The following KALRN variants were observed in gnomAD, a reference collection of about 807,000 sequenced individuals.
The protein encoded by KALRN is kalirin RhoGEF kinase.
In KALRN, 70 loss-of-function variants were observed where a neutral mutation model predicts 353.7. The ratio of observed to expected loss-of-function variants is 0.20; its 90% CI spans 0.16 to 0.24. KALRN has a LOEUF of 0.24. Ranked by LOEUF, KALRN falls within the 10% of genes least tolerant of loss-of-function variation. The pLI is 1.00. For synonymous variants in KALRN, 1,391 were observed against 1,434.8 expected (o/e 0.97, Z 0.69); for missense variants, 2,791 against 3,756.7 (o/e 0.74, Z 6.72).
intron 32 of KALRN, among the ~76,000 whole-genome samples, chr3:124,496,010 T>TACAC (rs2063786150): frequency 1.6e-5 from 1 of 61,816 alleles, no homozygotes; most frequent in Non-Finnish European, 2.7e-5. Context: ...TATATATATA[T>TACAC]ATACACACAC....
At chr3:124,482,362 G>A (rs1226184034) in intron 27 of KALRN, among the ~76,000 whole-genome samples, 2 of 152,158 alleles carry the variant, frequency 1.3e-5, no homozygotes, top group Admixed American at 1.3e-4. Flanking sequence ...GAGACTGAAG[G>A]CAGGGAAACA....
intron 36 of KALRN, 102 bp from the exon 37 acceptor site, chr3:124,637,106 T>A: frequency 1.0e-6 from 1 of 964,106 alleles, no homozygotes. Flanking sequence ...GAACTTTGCT[T>A]CCCTTCCCTG....
chr3:124,284,332 T>C (rs1009277812), intron 5 of KALRN, among the ~76,000 whole-genome samples: 1 of 152,214 alleles, frequency 6.6e-6, no homozygotes, highest in Non-Finnish European at 1.5e-5. Flanking sequence ...CTATGGCTTC[T>C]TACAATCCCT....
At chr3:124,135,442 A>G (rs1282987118) in intron 1 of KALRN, among the ~76,000 whole-genome samples, 1 of 152,146 alleles carries the variant, frequency 6.6e-6, no homozygotes, top group African/African-American at 2.4e-5. Flanking sequence ...TGCTTGGGTG[A>G]TGGGTGCACC....
chr3:124,197,335 G>A (rs1262489455), intron 1 of KALRN, among the ~76,000 whole-genome samples: 1 of 152,188 alleles, frequency 6.6e-6, no homozygotes. Flanking sequence ...TTATTCAAGA[G>A]CAGCCCTCTT....
At position 124,139,789 on chromosome 3, in the gene KALRN, G is replaced by A. The variant is rs1001214545; in HGVS notation, c.74-88201G>A. On this transcript the variant is annotated intron_variant, in intron 1 of 59. Coordinates refer to ENST00000682506, the MANE Select transcript of KALRN (RefSeq NM_001388419.1). ...CTTTGAAATAACAGTTTCAGGACTG[G>A]GTTGGTGCAGAATGAAAGCTTAGGT... Among the ~76,000 whole-genome samples the A allele has an allele frequency of 2.4e-4, 36 of 152,126 alleles. 1 individual carries two copies. Among genetic ancestry groups the A allele is most frequent in the African/African-American group, 8.7e-4 (36 of 41,404 alleles).
At chr3:124,705,756 G>T (rs764749333) in intron 57 of KALRN, among the ~76,000 whole-genome samples, 2 of 152,054 alleles carry the variant, frequency 1.3e-5, no homozygotes. Context: ...CCAGCTTCAA[G>T]TATCTGTGTG....
At chr3:124,353,957 G>C (rs1195061207) in intron 10 of KALRN, among the ~76,000 whole-genome samples, 4 of 152,190 alleles carry the variant, frequency 2.6e-5, no homozygotes, top group Non-Finnish European at 4.4e-5. Flanking sequence ...GGTATGAGCT[G>C]ATGGGAGACC....
At chr3:124,254,422 C>CAAAAAA (rs35522040) in intron 3 of KALRN, among the ~76,000 whole-genome samples, 4 of 121,266 alleles carry the variant, frequency 3.3e-5, no homozygotes, top group African/African-American at 1.4e-4. Context: ...ATCTATGAAG[C>CAAAAAA]AAAAAAAAAA....
chr3:124,375,553 C>T (rs1225436440), intron 10 of KALRN, among the ~76,000 whole-genome samples: 6 of 152,164 alleles, frequency 3.9e-5, no homozygotes, highest in African/African-American at 1.4e-4. Flanking sequence ...TCTCAGGCCC[C>T]AGAGGGTGGC....
intron 1 of KALRN, among the ~76,000 whole-genome samples, chr3:124,095,432 A>C (rs1321335751): frequency 1.3e-5 from 2 of 152,180 alleles, no homozygotes; most frequent in Non-Finnish European, 2.9e-5. Flanking sequence ...TTTAATTCAT[A>C]CATGTAAAAT....
chr3:124,453,903 A>C (rs1446951732), intron 21 of KALRN, among the ~76,000 whole-genome samples: 1 of 152,146 alleles, frequency 6.6e-6, no homozygotes, highest in Non-Finnish European at 1.5e-5. Flanking sequence ...CCATTTTGAC[A>C]TTCAATTACA....
At chr3:124,690,802 G>A (rs1480729862) in intron 51 of KALRN, among the ~76,000 whole-genome samples, 3 of 152,178 alleles carry the variant, frequency 2.0e-5, no homozygotes, top group Admixed American at 6.5e-5. Flanking sequence ...TAATCCGCCC[G>A]CCTGGGCCTC....
At position 124,329,779 on chromosome 3, in the gene KALRN, G is replaced by A. The variant is rs976364312; in HGVS notation, c.1285-82G>A. 10 of 1,480,670 alleles carry A rather than the reference G, an allele frequency of 6.8e-6. No individual in the cohort carries two copies. In the Admixed American group the frequency reaches 1.7e-4, roughly 26 times the overall value. 91.7% of individuals were successfully genotyped at this position (1,480,670 alleles called of 1,614,324 possible). ...CAGAAGTCCTGATGTTTCTTCCCAA[G>A]GTATCTGACCCTCTCTCCATAATCC... On this transcript the variant is annotated intron_variant, in intron 7 of 59. Transcript: ENST00000682506.
chr3:124,393,550 A>G (rs2089770289), intron 11 of KALRN, among the ~76,000 whole-genome samples: 1 of 152,252 alleles, frequency 6.6e-6, no homozygotes, highest in African/African-American at 2.4e-5. Flanking sequence ...TTACAACCAG[A>G]CTTGCAAGCT....
chr3:124,379,763 C>T (rs2149879632), intron 10 of KALRN, among the ~76,000 whole-genome samples: 2 of 152,322 alleles, frequency 1.3e-5, no homozygotes, highest in Middle Eastern at 6.8e-3. Context: ...AGTTTCCTCA[C>T]ACATGGATTC....
intron 34 of KALRN, among the ~76,000 whole-genome samples, chr3:124,565,291 A>G (rs1343651819): frequency 6.6e-6 from 1 of 152,188 alleles, no homozygotes; most frequent in Non-Finnish European, 1.5e-5. Flanking sequence ...AGGACTAAGG[A>G]GGGACTGTGT....
chr3:124,366,631 G>A (rs1186061684), intron 10 of KALRN, among the ~76,000 whole-genome samples: 3 of 151,660 alleles, frequency 2.0e-5, no homozygotes, highest in East Asian at 1.9e-4. Flanking sequence ...GCAACCATCC[G>A]ATTTCTCAAT....
chr3:124,524,835 C>T (rs116547942), intron 33 of KALRN, among the ~76,000 whole-genome samples: 428 of 152,242 alleles, frequency 2.8e-3, no homozygotes, highest in African/African-American at 0.01. Flanking sequence ...TTTAGAAAAC[C>T]AAAAGTGCAG....
Sources: allele counts gnomAD v4.1 joint callset (sites outside exome capture counted in the v4.1 genomes callset), GRCh38; gene constraint gnomAD v4.1.1; transcripts MANE v1.5; gene names NCBI Gene and HGNC (gene_info 2026-07-23, HGNC 2026-07-21).